MYO7B: variants seen among roughly 807,000 people sequenced by gnomAD.
The protein encoded by MYO7B is myosin VIIB.
A neutral mutation model predicts 259.7 loss-of-function variants in MYO7B; 212 were observed. The ratio of observed to expected loss-of-function variants is 0.82; its 90% CI spans 0.73 to 0.91. The LOEUF (loss-of-function observed/expected upper bound fraction) is 0.91, where lower values mean the gene tolerates loss of function less well. Among genes scored for constraint, MYO7B ranks in the 40% least tolerant of loss-of-function variants. The pLI, the probability that MYO7B is intolerant of heterozygous loss-of-function variation, is 0.00. For missense variants in MYO7B, 2,732 were observed against 2,813.5 expected (o/e 0.97, Z 0.66); for synonymous variants, 1,197 against 1,166.4 (o/e 1.03, Z -0.54).
intron 1 of MYO7B, among the ~76,000 whole-genome samples, chr2:127,550,435 G>T (rs1196479441): frequency 6.6e-6 from 1 of 152,060 alleles, no homozygotes; most frequent in African/African-American, 2.4e-5. Context: ...GCATGGTGGA[G>T]CATGCCCATA....
At position 127,590,346 on chromosome 2, in the gene MYO7B, C is replaced by A; in HGVS notation, c.1992+117C>A. ...GCTAGCGTTAGAGCTGTTACTGCCC[C>A]TACCTTACAGATAAGTACACTGGGG... On this transcript the variant is annotated intron_variant, in intron 16 of 47. Transcript: ENST00000409816. The surrounding 1 kb of genome is among the most constrained non-coding windows in gnomAD (Gnocchi z 4.6). 7.1e-7 allele frequency: 1 copy of A among 1,410,938 alleles called. No individual in the cohort carries two copies. Among genetic ancestry groups the A allele is most frequent in the East Asian group, 2.4e-5 (1 of 42,468 alleles). 87.4% of individuals were successfully genotyped at this position (1,410,938 alleles called of 1,614,324 possible).
chr2:127,595,994 C>G (rs1679756128), intron 18 of MYO7B, among the ~76,000 whole-genome samples: 1 of 152,134 alleles, frequency 6.6e-6, no homozygotes, highest in South Asian at 2.1e-4. Context: ...TGATCCAGAG[C>G]TGAGTTCTAA....
chr2:127,571,731 C>A (rs966951566), intron 6 of MYO7B, among the ~76,000 whole-genome samples: 1 of 152,072 alleles, frequency 6.6e-6, no homozygotes, highest in Non-Finnish European at 1.5e-5. Flanking sequence ...CCACCCGCCT[C>A]GGCCTCCCAA....
chr2:127,585,600 C>A lies in MYO7B; in HGVS notation c.1690+687C>A, dbSNP rs574332296. ...TTTCCCCTGGGTATCTACCTAGCAGCAGAATTGCTGTGTCATATGATAACT... is the reference window on the plus strand; with the variant it reads ...TTTCCCCTGGGTATCTACCTAGCAGAAGAATTGCTGTGTCATATGATAACT... On this transcript the variant is annotated intron_variant, in intron 14 of 47. Transcript: ENST00000409816. The surrounding 1 kb of genome is among the most constrained non-coding windows in gnomAD (Gnocchi z 4.3). Among the ~76,000 whole-genome samples, 1 of 152,332 alleles carries A rather than the reference C, an allele frequency of 6.6e-6. No homozygotes were observed. Among genetic ancestry groups the A allele is most frequent in the African/African-American group, 2.4e-5 (1 of 41,574 alleles).
At position 127,631,697 on chromosome 2, in the gene MYO7B, C is replaced by T. The variant is rs745875728; in HGVS notation, c.5193C>T (p.Ala1731=). ...TCACACTGGCCCTGCAGCACCCGGC[C>T]CTCCAGGACGAGGTCTACTGCCAGA... ...QIFTLALQHP[A]LQDEVYCQIL... Residue 1731 remains alanine (A), a synonymous_variant, in exon 38 of 48, where the codon GCC becomes GCT. Coordinates refer to ENST00000409816, the MANE Select transcript of MYO7B (RefSeq NM_001393586.1). The T allele has an allele frequency of 6.8e-6, 11 of 1,612,920 alleles. No individual in the cohort carries two copies. In the East Asian group the frequency reaches 2.2e-4, roughly 33 times the overall value.
intron 6 of MYO7B, among the ~76,000 whole-genome samples, chr2:127,573,710 C>T (rs1678740169): frequency 6.6e-6 from 1 of 152,246 alleles, no homozygotes; most frequent in East Asian, 1.9e-4. Context: ...TGCAAGCACA[C>T]TCCATGCTTT....
rs773165611 is a variant in MYO7B, at chr2:127,559,679, C to G, written c.-23-21C>G. 1 of 1,613,686 alleles carries G rather than the reference C, an allele frequency of 6.2e-7. No individual in the cohort carries two copies. Among genetic ancestry groups the G allele is most frequent in the East Asian group, 2.2e-5 (1 of 44,874 alleles). On this transcript the variant is annotated intron_variant, in intron 1 of 47. Coordinates refer to ENST00000409816, the MANE Select transcript of MYO7B (RefSeq NM_001393586.1). This position sits in a 1 kb window ranked among gnomAD's most constrained non-coding sequence, Gnocchi z 4.1. ...TGGGGCTGTGTATGGAGCTGACGTT[C>G]TGCTTTCTCTCTCCATACAGGCTTG...
At chr2:127,608,960 G>A (rs1680269828) in intron 22 of MYO7B, 82 bp downstream of exon 22, 21 of 1,501,854 alleles carry the variant, frequency 1.4e-5, no homozygotes, top group East Asian at 4.9e-5. Context: ...TCCACCTCTC[G>A]GCTCCCTGAG....
At chr2:127,591,210 C>G (rs950362164) in intron 16 of MYO7B, among the ~76,000 whole-genome samples, 2 of 152,104 alleles carry the variant, frequency 1.3e-5, no homozygotes, top group African/African-American at 4.8e-5. Flanking sequence ...ATGAGGCTTG[C>G]CTTATGAAAT....
intron 1 of MYO7B, among the ~76,000 whole-genome samples, chr2:127,544,575 ATTTTTTTTTTTT>A (rs35578661): frequency 0.04 from 4,105 of 103,210 alleles, 223 homozygotes; most frequent in African/African-American, 0.15. Flanking sequence ...CGTCTGGCTA[ATTTTTTTTTTTT>A]TTTTTTTTTT....
Position 127,607,400 on chromosome 2 carries a change from C to T in MYO7B, c.2619C>T (p.Arg873=). ...ATGCCAGGGGCATGGCTGCCCGGCG[C>T]AACTTCCAGCAAAGGAAGGCCAATG... ...QAHARGMAAR[R]NFQQRKANAP... The change falls in exon 21 of 48, where the codon CGC becomes CGT. Residue 873 remains arginine (R), a synonymous_variant. Coordinates refer to ENST00000409816, the MANE Select transcript of MYO7B (RefSeq NM_001393586.1). The surrounding 1 kb of genome is among the most constrained non-coding windows in gnomAD (Gnocchi z 4.4). 6.4e-7 allele frequency: 1 copy of T among 1,551,132 alleles called. No individual in the cohort carries two copies. The highest frequency in any genetic ancestry group is 8.7e-7 in the Non-Finnish European group (1 of 1,146,838).
chr2:127,560,793 C>T (rs1415013930), intron 2 of MYO7B, among the ~76,000 whole-genome samples: 1 of 152,196 alleles, frequency 6.6e-6, no homozygotes, highest in Admixed American at 6.5e-5. Context: ...CGAATGTTCT[C>T]CTCCTGAGTG....
rs994708799 is a variant in MYO7B at position 127,597,160 on chromosome 2, C to T, written c.2339+604C>T. On this transcript the variant is annotated intron_variant, in intron 19 of 47. Coordinates refer to ENST00000409816, the MANE Select transcript of MYO7B (RefSeq NM_001393586.1). This position sits in a 1 kb window ranked among gnomAD's most constrained non-coding sequence, Gnocchi z 4.8. Reference sequence around the variant, plus strand: ...AGAGGCAGCTGTGCTGCTGGGAAGCCGGAGGCCATCTCAGGGCCAGACCCT... The same window carrying T: ...AGAGGCAGCTGTGCTGCTGGGAAGCTGGAGGCCATCTCAGGGCCAGACCCT... Among the ~76,000 whole-genome samples the T allele has an allele frequency of 1.6e-4, 25 of 152,354 alleles. No individual in the cohort carries two copies. The highest frequency in any genetic ancestry group is 3.3e-4 in the Admixed American group (5 of 15,312).
chr2:127,610,071 A>G, intron 24 of MYO7B, 55 bp downstream of exon 24: 2 of 1,583,546 alleles, frequency 1.3e-6, no homozygotes, highest in South Asian at 1.1e-5. Context: ...GGTGCCTACC[A>G]GGGCCCAGTC....
At chr2:127,621,330 C>A (rs2105077763) in intron 27 of MYO7B, among the ~76,000 whole-genome samples, 1 of 144,806 alleles carries the variant, frequency 6.9e-6, no homozygotes, top group East Asian at 2.0e-4. Context: ...GTGGAGCGAT[C>A]TTGGTTCACT....
chr2:127,558,202 A>G (rs940432216), intron 1 of MYO7B, among the ~76,000 whole-genome samples: 29 of 152,200 alleles, frequency 1.9e-4, no homozygotes, highest in African/African-American at 6.0e-4. Context: ...TGAATAGACA[A>G]TTCTCAAAAG....
chr2:127,623,118 A>AGAG, intron 28 of MYO7B, 84 bp from the exon 29 acceptor site: 1 of 1,495,600 alleles, frequency 6.7e-7, no homozygotes, highest in Non-Finnish European at 9.1e-7. Context: ...TGGGCTGGGG[A>AGAG]GAGGAGGGAG....
chr2:127,538,724 C>A (rs923663136), intron 1 of MYO7B, among the ~76,000 whole-genome samples: 2 of 152,026 alleles, frequency 1.3e-5, no homozygotes, highest in Non-Finnish European at 2.9e-5. Context: ...CACCACCACG[C>A]CCGGCTAATT....
At chr2:127,601,105 G>A (rs541818779) in intron 19 of MYO7B, among the ~76,000 whole-genome samples, 5 of 152,222 alleles carry the variant, frequency 3.3e-5, no homozygotes, top group East Asian at 1.9e-4. Flanking sequence ...ATGTTGTTTG[G>A]TTTTCAAGTG....
Sources: gnomAD v4.1 joint callset for allele counts (sites outside exome capture counted in the v4.1 genomes callset) on GRCh38, gnomAD v4.1.1 for gene constraint, Gnocchi (gnomAD v3.1) non-coding constraint, MANE v1.5 for transcripts, NCBI Gene and HGNC (gene_info 2026-07-23, HGNC 2026-07-21) for gene names.